Variants in IREB2 observed in about 807,000 individuals in gnomAD.
The protein encoded by IREB2 is iron responsive element binding protein 2.
IREB2 carries 39 observed loss-of-function variants against 118.8 expected under a neutral mutation model. That is an observed-to-expected ratio of 0.33 (90% CI 0.25 to 0.43). The LOEUF (loss-of-function observed/expected upper bound fraction) is 0.43, where lower values mean the gene tolerates loss of function less well. Among genes scored for constraint, IREB2 ranks in the 20% least tolerant of loss-of-function variants. The pLI is 1.00. For synonymous variants in IREB2, 372 were observed against 392.2 expected, an observed-to-expected ratio of 0.95 and a Z score of 0.61; for missense variants, 900 against 1,147.3, an observed-to-expected ratio of 0.78 and a Z score of 3.11.
At chr15:78,446,490 C>A (rs927277021) in intron 2 of IREB2, among the ~76,000 whole-genome samples, 2 of 152,080 alleles carry the variant, frequency 1.3e-5, no homozygotes, top group African/African-American at 4.8e-5. Flanking sequence ...GGTGGTGGCC[C>A]AGAATTAAGG....
At chr15:78,480,825 C>T (rs1199912583) in intron 10 of IREB2, among the ~76,000 whole-genome samples, 4 of 151,024 alleles carry the variant, frequency 2.6e-5, no homozygotes, top group African/African-American at 4.9e-5. Flanking sequence ...CTGGGTAACA[C>T]GGTGAAACCC....
At chr15:78,488,383 A>C in intron 15 of IREB2, 47 bp downstream of exon 15, 1 of 1,437,174 alleles carries the variant, frequency 7.0e-7, no homozygotes, top group Non-Finnish European at 9.4e-7. Flanking sequence ...ACTTTTCCCA[A>C]TGGAAGTCGT....
intron 2 of IREB2, among the ~76,000 whole-genome samples, chr15:78,443,489 C>T (rs1400783946): frequency 5.9e-5 from 9 of 152,118 alleles, no homozygotes. Flanking sequence ...TTTTTACTGC[C>T]ATTTTATCCT....
chr15:78,495,655 A>G (rs2051827606), intron 20 of IREB2, among the ~76,000 whole-genome samples: 1 of 152,182 alleles, frequency 6.6e-6, no homozygotes, highest in Non-Finnish European at 1.5e-5. Context: ...GTCAGTTTAG[A>G]GAATGTATTC....
At chr15:78,449,021 G>A (rs1041125734) in intron 2 of IREB2, among the ~76,000 whole-genome samples, 7 of 152,090 alleles carry the variant, frequency 4.6e-5, no homozygotes, top group Non-Finnish European at 8.8e-5. Flanking sequence ...TGATAAGCAC[G>A]GAAGATAGTT....
intron 2 of IREB2, among the ~76,000 whole-genome samples, chr15:78,444,029 T>C (rs1287573158): frequency 6.6e-6 from 1 of 151,996 alleles, no homozygotes; most frequent in Non-Finnish European, 1.5e-5. Flanking sequence ...AAAATCTAGG[T>C]AGTCTCAAAA....
chr15:78,476,477 AAAC>A (rs1596004651), intron 9 of IREB2, 118 bp downstream of exon 9: 1 of 709,500 alleles, frequency 1.4e-6, no homozygotes, highest in African/African-American at 1.8e-5. Context: ...CATTATGTTG[AAAC>A]AACAACTTTC....
intron 2 of IREB2, among the ~76,000 whole-genome samples, chr15:78,444,456 C>T (rs2141447329): frequency 6.6e-6 from 1 of 152,152 alleles, no homozygotes; most frequent in South Asian, 2.1e-4. Flanking sequence ...CCCCCAGGCA[C>T]CCTTTATCTC....
At chr15:78,465,465 A>G (rs929654985) in intron 4 of IREB2, 77 bp downstream of exon 4, 2 of 1,315,650 alleles carry the variant, frequency 1.5e-6, no homozygotes, top group African/African-American at 1.5e-5. Context: ...GAAAAGGAAT[A>G]GAGATAATTT....
At position 78,465,477 on chromosome 15, in the gene IREB2, T is replaced by C. The variant is rs1485951812; in HGVS notation, c.410+89T>C. The C allele has an allele frequency of 4.8e-6, 6 of 1,239,944 alleles. No individual in the cohort carries two copies. The Admixed American group carries it at 9.7e-5, about 20-fold the overall frequency. 76.8% of individuals were successfully genotyped at this position (1,239,944 alleles called of 1,614,324 possible). A position where few individuals can be genotyped will look rare whatever the true frequency, so the allele number is the denominator to read the frequency against. ...GAGGAAAAGGAATAGAGATAATTTA[T>C]GGCAGAGAAAAGTATGCTAAATTTA... is the stretch of plus-strand genomic sequence containing the variant. On this transcript the variant is annotated intron_variant, in intron 4 of 21. Transcript: ENST00000258886.
intron 6 of IREB2, 86 bp from the exon 7 acceptor site, chr15:78,471,655 T>C: frequency 1.3e-6 from 1 of 766,274 alleles, no homozygotes; most frequent in Non-Finnish European, 2.0e-6. Flanking sequence ...TTAGTTAAAA[T>C]ATTTTTAATG....
chr15:78,467,625 G>T (rs2051305697), intron 5 of IREB2, among the ~76,000 whole-genome samples: 1 of 151,834 alleles, frequency 6.6e-6, no homozygotes, highest in Admixed American at 6.6e-5. Context: ...AGGAGGCAGG[G>T]ATCACAGTGA....
At chr15:78,445,224 A>C (rs1322261957) in intron 2 of IREB2, among the ~76,000 whole-genome samples, 1 of 150,094 alleles carries the variant, frequency 6.7e-6, no homozygotes, top group Non-Finnish European at 1.5e-5. Flanking sequence ...TGCGTCCTCC[A>C]ACTCCTGGGT....
chr15:78,483,760 TTGAATAG>T (rs1456414433), intron 11 of IREB2, among the ~76,000 whole-genome samples: 1 of 152,084 alleles, frequency 6.6e-6, no homozygotes, highest in Non-Finnish European at 1.5e-5. Context: ...GCATAGATAA[TTGAATAG>T]TTACATCATC....
chr15:78,491,762 C>G (rs1158724757), intron 18 of IREB2, among the ~76,000 whole-genome samples: 1 of 152,168 alleles, frequency 6.6e-6, no homozygotes, highest in Non-Finnish European at 1.5e-5. Flanking sequence ...CCCCAAATTG[C>G]TGGGATTACA....
At chr15:78,462,221 TA>T (rs2051209516) in intron 2 of IREB2, among the ~76,000 whole-genome samples, 1 of 152,222 alleles carries the variant, frequency 6.6e-6, no homozygotes, top group African/African-American at 2.4e-5. Flanking sequence ...TTCACTCCTT[TA>T]AACAGCTGCA....
intron 12 of IREB2, 51 bp downstream of exon 12, chr15:78,484,971 G>A (rs1256027026): frequency 2.0e-5 from 31 of 1,517,610 alleles, no homozygotes; most frequent in Non-Finnish European, 2.6e-5. Context: ...ATTATTGTTG[G>A]CTTTTCTGTT....
intron 3 of IREB2, among the ~76,000 whole-genome samples, chr15:78,464,817 A>G (rs2051254156): frequency 6.6e-6 from 1 of 152,200 alleles, no homozygotes; most frequent in Non-Finnish European, 1.5e-5. Flanking sequence ...CACTGAAGGC[A>G]TTTGATAAAT....
At chr15:78,493,837 G>A in intron 18 of IREB2, 72 bp from the exon 19 acceptor site, 1 of 1,423,198 alleles carries the variant, frequency 7.0e-7, no homozygotes, top group Non-Finnish European at 9.5e-7. Flanking sequence ...TTTTTCAATA[G>A]GTCTTACAGC....
Sources: gnomAD v4.1 joint callset for allele counts (sites outside exome capture counted in the v4.1 genomes callset) on GRCh38, gnomAD v4.1.1 for gene constraint, MANE v1.5 for transcripts, NCBI Gene and HGNC (gene_info 2026-07-23, HGNC 2026-07-21) for gene names.